HP1BP3: variants seen among roughly 807,000 people sequenced by gnomAD.
HP1BP3 encodes the protein heterochromatin protein 1-binding protein 3.
A neutral mutation model predicts 62.5 loss-of-function variants in HP1BP3; 12 were observed. That is an observed-to-expected ratio of 0.19 (90% CI 0.12 to 0.31). HP1BP3 has a LOEUF of 0.31. HP1BP3 is among the 10% of genes least tolerant of loss of function. The pLI is 1.00. For synonymous variants in HP1BP3, 260 were observed against 237.8 expected, an observed-to-expected ratio of 1.09 and a Z score of -0.86; for missense variants, 502 against 651.8, an observed-to-expected ratio of 0.77 and a Z score of 2.50.
intron 8 of HP1BP3, among the ~76,000 whole-genome samples, chr1:20,763,935 A>T (rs1330660623): frequency 6.6e-6 from 1 of 152,010 alleles, no homozygotes; most frequent in Non-Finnish European, 1.5e-5. Context: ...ACTGAGTCTC[A>T]CTCTGTCACC....
Position 20,744,671 on chromosome 1 carries a change from T to C in HP1BP3, c.*126A>G. On this transcript the variant is annotated 3_prime_UTR_variant, in exon 13 of 13. Coordinates refer to ENST00000438032, the MANE Select transcript of HP1BP3 (RefSeq NM_001372052.1). ...CCTAAACTGGTTTATTTAGAGTCCC[T>C]CCCCACAATGTTCATAGGGGAGGAA... 1.1e-6 allele frequency: 1 copy of C among 889,764 alleles called. No individual in the cohort carries two copies. The highest frequency in any genetic ancestry group is 1.7e-5 in the South Asian group (1 of 57,478). The allele number at this position is 889,764 out of a possible 1,614,324, so 55.1% of individuals were successfully genotyped here.
intron 9 of HP1BP3, among the ~76,000 whole-genome samples, chr1:20,753,336 AAG>A (rs1337527599): frequency 6.6e-6 from 1 of 152,158 alleles, no homozygotes; most frequent in Non-Finnish European, 1.5e-5. Flanking sequence ...AATGAACTAA[AAG>A]AGCCTGTCAT....
intron 6 of HP1BP3, 125 bp downstream of exon 6, chr1:20,770,805 A>C (rs1388949675): frequency 1.4e-6 from 1 of 710,478 alleles, no homozygotes; most frequent in Non-Finnish European, 2.2e-6. Context: ...GGTTAAACTT[A>C]AGGAATTTCA....
rs1211694123 is a variant in HP1BP3, at chr1:20,740,613, G to A, written c.*4184C>T. On this transcript the variant is annotated 3_prime_UTR_variant, in exon 13 of 13. Coordinates refer to ENST00000438032, the MANE Select transcript of HP1BP3 (RefSeq NM_001372052.1). Reference sequence around the variant, plus strand: ...AGGTGGGAAGATCACGTGAGGCCACGAGTTCAAGACCAGCCTGGGCAACAC... The same window carrying A: ...AGGTGGGAAGATCACGTGAGGCCACAAGTTCAAGACCAGCCTGGGCAACAC... 4.6e-5 allele frequency among the ~76,000 whole-genome samples: 7 copies of A among 152,308 alleles called. No homozygotes were observed. The highest frequency in any genetic ancestry group is 3.4e-3 in the Middle Eastern group (1 of 294).
intron 9 of HP1BP3, chr1:20,755,374 G>A (rs1373304786): frequency 2.2e-6 from 1 of 453,330 alleles, no homozygotes; most frequent in Non-Finnish European, 4.4e-6. Flanking sequence ...GAGTTCAAGA[G>A]TAGCCTGGGC....
At chr1:20,777,182 G>A (rs1431287434) in intron 3 of HP1BP3, among the ~76,000 whole-genome samples, 3 of 151,888 alleles carry the variant, frequency 2.0e-5, no homozygotes, top group African/African-American at 7.3e-5. Flanking sequence ...GAGGTCTGCT[G>A]CTATTTGTGC....
At position 20,780,545 on chromosome 1, in the gene HP1BP3, A is replaced by G; in HGVS notation, c.-100-5T>C. On this transcript the variant is annotated splice_region_variant and splice_polypyrimidine_tract_variant and intron_variant, in intron 1 of 12. Transcript: ENST00000438032. ...TCAGTGTGGTGAAGAATCAACCTAA[A>G]GCACAGAAAAGACCTGGTGTGAAGA... 1.3e-6 allele frequency: 1 copy of G among 764,256 alleles called. No individual in the cohort carries two copies. The highest frequency in any genetic ancestry group is 2.3e-6 in the Non-Finnish European group (1 of 432,852). 47.3% of individuals were successfully genotyped at this position (764,256 alleles called of 1,614,324 possible).
chr1:20,750,011 C>G lies in HP1BP3; in HGVS notation c.982-129G>C, dbSNP rs542977361. ...ACAGATATGTTTTACAATAAATTGTCAGCTTAGGGACTTTCTCTTCCCATT... is the reference window on the plus strand; with the variant it reads ...ACAGATATGTTTTACAATAAATTGTGAGCTTAGGGACTTTCTCTTCCCATT... On this transcript the variant is annotated intron_variant, in intron 9 of 12. Coordinates refer to ENST00000438032, the MANE Select transcript of HP1BP3 (RefSeq NM_001372052.1). The G allele has an allele frequency of 6.9e-6, 10 of 1,451,168 alleles. No individual in the cohort carries two copies. The African/African-American group carries it at 1.4e-4, about 21-fold the overall frequency. The allele number at this position is 1,451,168 out of a possible 1,614,324, so 89.9% of individuals were successfully genotyped here.
chr1:20,771,860 G>A (rs1170120015), intron 5 of HP1BP3, among the ~76,000 whole-genome samples: 1 of 152,192 alleles, frequency 6.6e-6, no homozygotes, highest in East Asian at 1.9e-4. Flanking sequence ...TACTGCCACA[G>A]TGTCTATTAA....
chr1:20,780,366 G>A lies in HP1BP3; in HGVS notation c.75C>T (p.Ile25=), dbSNP rs1437383173. 7 of 1,613,234 alleles carry A rather than the reference G, an allele frequency of 4.3e-6. No homozygotes were observed. The East Asian group carries it at 1.3e-4, about 31-fold the overall frequency. Residue 25 remains isoleucine, a synonymous_variant, in exon 2 of 13, where the codon ATC becomes ATT. Transcript: ENST00000438032. ...CTACCTCACCTAACTTGTCCGCGTG[G>A]ATCAGCTGAGCTCCTACTATAAGTG... ...ALPLIVGAQL[I]HADKLGEKVE...
Position 20,779,849 on chromosome 1 carries a change from G to A in HP1BP3, c.159C>T (p.Pro53=). ...RTVNSTRETP[P]KSKLAEGEEE... ...CCTCCCCTTCAGCAAGCTTGCTTTT[G>A]GGAGGAGTTTCCCGGGTAGAATTCA... The change falls in exon 3 of 13, where the codon CCC becomes CCT. Residue 53 remains proline, a synonymous_variant. Transcript: ENST00000438032. The A allele has an allele frequency of 6.2e-7, 1 of 1,613,214 alleles. No individual in the cohort carries two copies. The highest frequency in any genetic ancestry group is 1.1e-5 in the South Asian group (1 of 90,886).
intron 8 of HP1BP3, among the ~76,000 whole-genome samples, chr1:20,764,773 G>A (rs538412435): frequency 6.6e-6 from 1 of 151,746 alleles, no homozygotes; most frequent in East Asian, 1.9e-4. Flanking sequence ...CTATTCGGAG[G>A]CTGTGGCAGG....
intron 9 of HP1BP3, among the ~76,000 whole-genome samples, chr1:20,754,405 T>G (rs2154539937): frequency 6.6e-6 from 1 of 151,746 alleles, no homozygotes; most frequent in South Asian, 2.1e-4. Context: ...TTGTTGACAG[T>G]GAGTCTCCCC....
At position 20,776,753 on chromosome 1, in the gene HP1BP3, A is replaced by G; in HGVS notation, c.197-3T>C. 18 of 1,606,714 alleles carry G rather than the reference A, an allele frequency of 1.1e-5. No individual in the cohort carries two copies. Among genetic ancestry groups the G allele is most frequent in the Non-Finnish European group, 1.4e-5 (17 of 1,177,148 alleles). On this transcript the variant is annotated splice_region_variant and splice_polypyrimidine_tract_variant and intron_variant, in intron 3 of 12. Coordinates refer to ENST00000438032, the MANE Select transcript of HP1BP3 (RefSeq NM_001372052.1). ...TTCCTCTGAACTTATGTCTGGTTCT[A>G]AAAAATCAGGTGAGCAGAATTGCAT... is the stretch of plus-strand genomic sequence containing the variant.
At chr1:20,754,245 C>T (rs141684683) in intron 9 of HP1BP3, among the ~76,000 whole-genome samples, 266 of 152,214 alleles carry the variant, frequency 1.7e-3, no homozygotes, top group Middle Eastern at 6.8e-3. Flanking sequence ...AAAACACTTC[C>T]ACCATTCAAG....
rs866912623 is a variant in HP1BP3, at chr1:20,757,927, C to T, written c.891-671G>A. On this transcript the variant is annotated intron_variant, in intron 8 of 12. Transcript: ENST00000438032. ...TTGGGAGGCCGAGGCGGGTGGATCA[C>T]GAGATCAGGAGTTCGAGACCAGCCT... Among the ~76,000 whole-genome samples, 79 of 152,050 alleles carry T rather than the reference C, an allele frequency of 5.2e-4. No homozygotes were observed. In the Middle Eastern group the frequency reaches 0.031, roughly 59 times the overall value.
At chr1:20,746,285 C>T (rs1453221901) in intron 11 of HP1BP3, among the ~76,000 whole-genome samples, 2 of 150,454 alleles carry the variant, frequency 1.3e-5, no homozygotes, top group African/African-American at 2.5e-5. Flanking sequence ...AATCAAACTC[C>T]TAGGCTCAAG....
At chr1:20,753,399 A>G (rs1284162747) in intron 9 of HP1BP3, among the ~76,000 whole-genome samples, 2 of 152,250 alleles carry the variant, frequency 1.3e-5, no homozygotes, top group Non-Finnish European at 2.9e-5. Context: ...ACCTTTCAAG[A>G]GAAAATTTAA....
chr1:20,776,278 T>C (rs1292611374), intron 4 of HP1BP3: 4 of 432,632 alleles, frequency 9.2e-6, no homozygotes, highest in Non-Finnish European at 1.6e-5. Flanking sequence ...TTTATAGTTA[T>C]GTTTCATTTC....
Sources: gnomAD v4.1 joint callset for allele counts (sites outside exome capture counted in the v4.1 genomes callset) on GRCh38, gnomAD v4.1.1 for gene constraint, MANE v1.5 for transcripts, NCBI Gene and HGNC (gene_info 2026-07-23, HGNC 2026-07-21) for gene names.